MS4A4E: variants seen among roughly 807,000 people sequenced by gnomAD.
The protein encoded by MS4A4E is membrane spanning 4-domains A4E, also known as putative membrane-spanning 4-domains subfamily A member 4E.
A neutral mutation model predicts 13.3 loss-of-function variants in MS4A4E; 23 were observed. The observed-to-expected ratio is 1.73, with a 90% CI of 1.25 to 2.45. The LOEUF is 2.45. MS4A4E is among the 30% of genes most tolerant of loss of function. The probability of loss-of-function intolerance (pLI) is 0.00; values close to 1 mark genes in which losing one functional copy is unlikely to be tolerated. For missense variants in MS4A4E, 144 were observed against 131.2 expected (o/e 1.10, Z -0.48); for synonymous variants, 36 against 45.6 (o/e 0.79, Z 0.85).
At chr11:60,214,759 AC>A (rs1446538236) in intron 3 of MS4A4E, 145 bp from the exon 4 acceptor site, 2 of 446,862 alleles carry the variant, frequency 4.5e-6, no homozygotes, top group East Asian at 7.1e-5. Context: ...AAGAGATTGC[AC>A]ATAATTTTCT....
At chr11:60,229,004 C>T (rs1218393898) in intron 2 of MS4A4E, among the ~76,000 whole-genome samples, 1 of 152,168 alleles carries the variant, frequency 6.6e-6, no homozygotes, top group Non-Finnish European at 1.5e-5. Flanking sequence ...ACACACAACA[C>T]AGAGAATGAA....
chr11:60,205,562 C>T (rs2084028514), intron 7 of MS4A4E, among the ~76,000 whole-genome samples, 152 bp downstream of exon 7: 1 of 152,068 alleles, frequency 6.6e-6, no homozygotes, highest in South Asian at 2.1e-4. Flanking sequence ...GGTCTATGGG[C>T]CAGACAATAT....
At chr11:60,225,967 G>T (rs1259372584) in intron 3 of MS4A4E, among the ~76,000 whole-genome samples, 1 of 151,442 alleles carries the variant, frequency 6.6e-6, no homozygotes, top group Non-Finnish European at 1.5e-5. Context: ...AGTGAAAGGG[G>T]GAATATCACT....
intron 1 of MS4A4E, among the ~76,000 whole-genome samples, chr11:60,234,687 A>G (rs2134969441): frequency 6.6e-6 from 1 of 151,992 alleles, no homozygotes. Context: ...CATGAAAGAT[A>G]AAAAAAATTA....
At chr11:60,214,319 T>C (rs1268600888) in intron 4 of MS4A4E, among the ~76,000 whole-genome samples, 2 of 152,208 alleles carry the variant, frequency 1.3e-5, no homozygotes, top group Non-Finnish European at 2.9e-5. Context: ...TCCCACTTCA[T>C]ATTTGTTCTA....
At chr11:60,242,237 T>G (rs2084561108) in intron 1 of MS4A4E, among the ~76,000 whole-genome samples, 1 of 152,214 alleles carries the variant, frequency 6.6e-6, no homozygotes, top group Non-Finnish European at 1.5e-5. Flanking sequence ...ACTTGTGTGA[T>G]TCTAGGTACA....
chr11:60,242,724 A>C (rs752661177), intron 1 of MS4A4E, among the ~76,000 whole-genome samples: 41 of 152,220 alleles, frequency 2.7e-4, no homozygotes, highest in Admixed American at 1.4e-3. Context: ...GTCAGCCTTT[A>C]GGAGGCTTTT....
At chr11:60,218,801 T>A (rs913586498) in intron 3 of MS4A4E, among the ~76,000 whole-genome samples, 3 of 152,194 alleles carry the variant, frequency 2.0e-5, no homozygotes, top group Non-Finnish European at 4.4e-5. Context: ...TTGAGTTTTC[T>A]AATTTATATA....
intron 1 of MS4A4E, among the ~76,000 whole-genome samples, chr11:60,241,121 T>C (rs1393498164): frequency 6.6e-6 from 1 of 152,192 alleles, no homozygotes; most frequent in Non-Finnish European, 1.5e-5. Context: ...CCTCCCGGGT[T>C]CACGCCATTC....
chr11:60,235,632 A>G (rs2084473119), intron 1 of MS4A4E, among the ~76,000 whole-genome samples: 2 of 152,240 alleles, frequency 1.3e-5, no homozygotes, highest in Non-Finnish European at 2.9e-5. Flanking sequence ...TAGGTATTCA[A>G]ATGTTTGAAA....
At chr11:60,213,289 A>T in intron 4 of MS4A4E, 157 bp from the exon 5 acceptor site, 1 of 1,535,554 alleles carries the variant, frequency 6.5e-7, no homozygotes, top group South Asian at 1.2e-5. Context: ...CCAAAACACA[A>T]ATATGATCCC....
intron 1 of MS4A4E, among the ~76,000 whole-genome samples, chr11:60,240,496 C>A (rs999939758): frequency 3.3e-5 from 5 of 152,118 alleles, no homozygotes; most frequent in African/African-American, 9.7e-5. Context: ...TGTCACCCTC[C>A]CCTTTAAAGT....
chr11:60,206,489 G>A (rs9735411), intron 6 of MS4A4E, among the ~76,000 whole-genome samples: 51,051 of 97,472 alleles, frequency 0.52, 13,663 homozygotes, highest in African/African-American at 0.55. Context: ...ATATATATAT[G>A]TATATATATA....
intron 6 of MS4A4E, among the ~76,000 whole-genome samples, 177 bp from the exon 7 acceptor site, chr11:60,205,997 T>C (rs944194700): frequency 6.6e-6 from 1 of 152,224 alleles, no homozygotes; most frequent in Non-Finnish European, 1.5e-5. Context: ...ATCCTTCATA[T>C]GATTTTTACT....
intron 6 of MS4A4E, among the ~76,000 whole-genome samples, chr11:60,208,260 A>G (rs2084072829): frequency 6.6e-6 from 1 of 152,198 alleles, no homozygotes; most frequent in African/African-American, 2.4e-5. Context: ...ATGCTTTATG[A>G]GAGGATTAAA....
At chr11:60,214,997 T>TATAAAATAAA (rs1565120951) in intron 3 of MS4A4E, among the ~76,000 whole-genome samples, 1 of 151,926 alleles carries the variant, frequency 6.6e-6, no homozygotes, top group African/African-American at 2.4e-5. Flanking sequence ...TTTAAAAAGT[T>TATAAAATAAA]ATAAAATAAA....
intron 3 of MS4A4E, among the ~76,000 whole-genome samples, chr11:60,225,594 G>A (rs1189028631): frequency 6.6e-6 from 1 of 152,124 alleles, no homozygotes; most frequent in Non-Finnish European, 1.5e-5. Flanking sequence ...ATTATCTCAT[G>A]GCATTATAAA....
At chr11:60,209,344 G>T (rs2084090374) in intron 5 of MS4A4E, among the ~76,000 whole-genome samples, 2 of 152,190 alleles carry the variant, frequency 1.3e-5, no homozygotes. Flanking sequence ...TTGATTTGAA[G>T]GTAGAGGATG....
At chr11:60,232,103 G>A (rs1191684016) in intron 1 of MS4A4E, among the ~76,000 whole-genome samples, 2 of 152,070 alleles carry the variant, frequency 1.3e-5, no homozygotes, top group African/African-American at 2.4e-5. Flanking sequence ...AATAGAATTA[G>A]TCAACTGGAA....
Sources: allele counts gnomAD v4.1 joint callset (sites outside exome capture counted in the v4.1 genomes callset), GRCh38; gene constraint gnomAD v4.1.1; transcripts MANE v1.5; gene names NCBI Gene and HGNC (gene_info 2026-07-23, HGNC 2026-07-21).